Variants in PARN observed in about 807,000 individuals in gnomAD.
PARN encodes poly(A)-specific ribonuclease.
In PARN, 71 loss-of-function variants were observed where a neutral mutation model predicts 102.8. The observed-to-expected ratio is 0.69, with a 90% confidence interval of 0.57 to 0.84. The LOEUF (loss-of-function observed/expected upper bound fraction) is 0.84. PARN is among the 40% of genes least tolerant of loss of function. The probability of loss-of-function intolerance (pLI) is 0.00; values close to 1 mark genes in which losing one functional copy is unlikely to be tolerated. For missense variants in PARN, 782 were observed against 760.9 expected (o/e 1.03, Z -0.33); for synonymous variants, 261 against 252.9 (o/e 1.03, Z -0.30).
chr16:14,623,889 T>A (rs1972479437), intron 5 of PARN, among the ~76,000 whole-genome samples: 1 of 151,806 alleles, frequency 6.6e-6, no homozygotes, highest in Admixed American at 6.6e-5. Flanking sequence ...ACAGCAGTTA[T>A]GCTTCAATTT....
chr16:14,470,812 C>G (rs1951132225), intron 22 of PARN, among the ~76,000 whole-genome samples: 1 of 151,624 alleles, frequency 6.6e-6, no homozygotes, highest in African/African-American at 2.4e-5. Context: ...GCTCTGTTGC[C>G]CAGGGTCTTG....
intron 21 of PARN, among the ~76,000 whole-genome samples, chr16:14,524,988 A>C (rs1217549106): frequency 6.6e-6 from 1 of 152,254 alleles, no homozygotes; most frequent in Non-Finnish European, 1.5e-5. Context: ...AAAGAGAAGG[A>C]TTTAAACAAT....
chr16:14,598,479 T>A (rs570515767), intron 12 of PARN, among the ~76,000 whole-genome samples: 2 of 152,140 alleles, frequency 1.3e-5, no homozygotes, highest in African/African-American at 4.8e-5. Context: ...TATCTCTGAA[T>A]TTTAGGGCCC....
intron 21 of PARN, chr16:14,501,737 G>C (rs1964631570): frequency 6.6e-6 from 1 of 152,098 alleles, no homozygotes; most frequent in African/African-American, 2.4e-5. Context: ...GCTCACAGCT[G>C]GCCCTCCTCC....
chr16:14,556,024 G>A (rs1026624115), intron 18 of PARN, among the ~76,000 whole-genome samples: 23 of 151,704 alleles, frequency 1.5e-4, no homozygotes, highest in Non-Finnish European at 2.8e-4. Context: ...TAGTACAAAC[G>A]GGGTTTCACC....
At position 14,595,658 on chromosome 16, in the gene PARN, G is replaced by A. The variant is rs1021506051; in HGVS notation, c.841-2280C>T. Reference sequence around the variant, plus strand: ...AGAGATTCTCCTGCCTCAGCCTCCTGAGTAGCTGGGATTACAGGTGGCACC... The same window carrying A: ...AGAGATTCTCCTGCCTCAGCCTCCTAAGTAGCTGGGATTACAGGTGGCACC... On this transcript the variant is annotated intron_variant, in intron 12 of 23. Coordinates refer to ENST00000437198, the MANE Select transcript of PARN (RefSeq NM_002582.4). 5.9e-5 allele frequency among the ~76,000 whole-genome samples: 9 copies of A among 152,036 alleles called. 1 individual carries two copies. The highest frequency in any genetic ancestry group is 2.2e-4 in the African/African-American group (9 of 41,384).
intron 23 of PARN, among the ~76,000 whole-genome samples, chr16:14,440,648 C>G (rs1960901577): frequency 6.6e-6 from 1 of 152,216 alleles, no homozygotes; most frequent in African/African-American, 2.4e-5. Flanking sequence ...TACCTGTATA[C>G]AGTGGAATAC....
chr16:14,467,753 T>C (rs1962449102), intron 22 of PARN, among the ~76,000 whole-genome samples: 1 of 152,206 alleles, frequency 6.6e-6, no homozygotes, highest in African/African-American at 2.4e-5. Flanking sequence ...TAGATTATGG[T>C]GCAATTATCA....
intron 21 of PARN, among the ~76,000 whole-genome samples, chr16:14,533,770 C>T (rs1465229461): frequency 1.3e-5 from 2 of 152,198 alleles, no homozygotes; most frequent in South Asian, 4.1e-4. Context: ...CCAGTTCACT[C>T]TCCCCAGGAT....
intron 5 of PARN, among the ~76,000 whole-genome samples, chr16:14,626,679 T>G (rs1432971736): frequency 6.6e-6 from 1 of 151,742 alleles, no homozygotes; most frequent in Non-Finnish European, 1.5e-5. Context: ...GGGCGTGATC[T>G]CGGCTCACTG....
At chr16:14,441,714 C>T (rs778903728) in intron 23 of PARN, among the ~76,000 whole-genome samples, 4 of 152,244 alleles carry the variant, frequency 2.6e-5, no homozygotes. Flanking sequence ...TCCTTCGCCA[C>T]GTTCACTGCA....
At chr16:14,584,719 T>C in intron 15 of PARN, 30 bp downstream of exon 15, 1 of 1,505,266 alleles carries the variant, frequency 6.6e-7, no homozygotes, top group Non-Finnish European at 9.1e-7. Context: ...TAATATGCAG[T>C]CGCTTTATAA....
At position 14,627,356 on chromosome 16, in the gene PARN, C is replaced by T. The variant is rs772447478; in HGVS notation, c.178-20G>A. On this transcript the variant is annotated intron_variant, in intron 3 of 23. Coordinates refer to ENST00000437198, the MANE Select transcript of PARN (RefSeq NM_002582.4). Reference sequence around the variant, plus strand: ...GGAATGCTGGAAAAGGGAAATAAAACATCTGTCACAAAAGTGCTGCATATT... The same window carrying T: ...GGAATGCTGGAAAAGGGAAATAAAATATCTGTCACAAAAGTGCTGCATATT... 2.6e-6 allele frequency: 4 copies of T among 1,555,372 alleles called. No individual in the cohort carries two copies. In the South Asian group the frequency reaches 4.7e-5, roughly 18 times the overall value.
At chr16:14,605,201 C>T (rs1387039762) in intron 10 of PARN, among the ~76,000 whole-genome samples, 1 of 152,212 alleles carries the variant, frequency 6.6e-6, no homozygotes, top group East Asian at 1.9e-4. Flanking sequence ...ATCTCAGCCT[C>T]CCAAAGTGCT....
chr16:14,515,493 G>A (rs2151643132), intron 21 of PARN, among the ~76,000 whole-genome samples: 1 of 152,242 alleles, frequency 6.6e-6, no homozygotes, highest in African/African-American at 2.4e-5. Context: ...TAAGTGAAGA[G>A]GACTGCATTT....
At chr16:14,492,513 C>T (rs982387225) in intron 21 of PARN, among the ~76,000 whole-genome samples, 2 of 152,100 alleles carry the variant, frequency 1.3e-5, no homozygotes, top group East Asian at 1.9e-4. Context: ...AAAGTTCCAT[C>T]GGCACCCAAC....
chr16:14,585,364 GTTTTTTTTT>G (rs36030259), intron 14 of PARN, among the ~76,000 whole-genome samples: 1 of 121,128 alleles, frequency 8.3e-6, no homozygotes, highest in South Asian at 2.7e-4. Flanking sequence ...CTATTTCTCT[GTTTTTTTTT>G]TTTTTTTTTT....
chr16:14,610,016 A>T (rs1212512710), intron 7 of PARN, among the ~76,000 whole-genome samples: 1 of 152,152 alleles, frequency 6.6e-6, no homozygotes, highest in Non-Finnish European at 1.5e-5. Flanking sequence ...GTTTGACACC[A>T]GCCTGGGAAA....
rs573218994 is a variant in PARN at position 14,584,721 on chromosome 16, G to A, written c.1005+28C>T. 66 of 1,515,176 alleles carry A rather than the reference G, an allele frequency of 4.4e-5. No homozygotes were observed. In the East Asian group the frequency reaches 1.2e-3, roughly 28 times the overall value. The allele number at this position is 1,515,176 out of a possible 1,614,324, so 93.9% of individuals were successfully genotyped here. ...TCATTTCACTCAGTAATATGCAGTC[G>A]CTTTATAAAGTAGCAAATGAATAAT... On this transcript the variant is annotated intron_variant, in intron 15 of 23. Coordinates refer to ENST00000437198, the MANE Select transcript of PARN (RefSeq NM_002582.4).
Sources: allele counts gnomAD v4.1 joint callset (sites outside exome capture counted in the v4.1 genomes callset), GRCh38; gene constraint gnomAD v4.1.1; transcripts MANE v1.5; gene names NCBI Gene and HGNC (gene_info 2026-07-23, HGNC 2026-07-21).